Variants in IL1RAPL1 observed in about 807,000 individuals in gnomAD.
The protein encoded by IL1RAPL1 is interleukin 1 receptor accessory protein like 1, also known as interleukin-1 receptor accessory protein-like 1.
A neutral mutation model predicts 48.4 loss-of-function variants in IL1RAPL1; 3 were observed. That is an observed-to-expected ratio of 0.06 (90% CI 0.03 to 0.16). The LOEUF is 0.16. Ranked by LOEUF, IL1RAPL1 falls within the 10% of genes least tolerant of loss-of-function variation. The pLI is 1.00. For synonymous variants in IL1RAPL1, 185 were observed against 187.7 expected, an observed-to-expected ratio of 0.99 and a Z score of 0.12; for missense variants, 349 against 530.6, an observed-to-expected ratio of 0.66 and a Z score of 3.36.
At chrX:29,855,729 T>C (rs189250921) in intron 6 of IL1RAPL1, among the ~76,000 whole-genome samples, 10 of 110,649 alleles carry the variant, frequency 9.0e-5, no homozygotes, top group African/African-American at 2.6e-4. Flanking sequence ...GTTTTTTTTT[T>C]CAACATGTTT....
At chrX:29,249,317 G>A (rs1324063915) in intron 2 of IL1RAPL1, among the ~76,000 whole-genome samples, 1 of 111,954 alleles carries the variant, frequency 8.9e-6, no homozygotes, top group East Asian at 2.8e-4. Flanking sequence ...TACTTTGTCT[G>A]GGAATTTAAC....
chrX:29,662,347 T>C, intron 5 of IL1RAPL1, among the ~76,000 whole-genome samples: 2 of 111,843 alleles, frequency 1.8e-5, no homozygotes, highest in Middle Eastern at 4.6e-3. Flanking sequence ...AGAGCAAGCT[T>C]TCCTGACAGT....
At chrX:28,869,033 G>T (rs1272497047) in intron 2 of IL1RAPL1, among the ~76,000 whole-genome samples, 1 of 112,554 alleles carries the variant, frequency 8.9e-6, no homozygotes. Context: ...GCTTTGCAGT[G>T]CTATCACTAT....
chrX:29,403,774 G>T (rs1483768772), intron 5 of IL1RAPL1, among the ~76,000 whole-genome samples: 1 of 111,557 alleles, frequency 9.0e-6, no homozygotes, highest in African/African-American at 3.3e-5. Context: ...TTAGAAAACT[G>T]GTTCTCACCA....
chrX:29,009,125 T>G (rs761404705), intron 2 of IL1RAPL1, among the ~76,000 whole-genome samples: 27 of 112,325 alleles, frequency 2.4e-4, no homozygotes, highest in African/African-American at 8.0e-4. Flanking sequence ...ATGTTCTCAC[T>G]TGTAAGTGGT....
intron 2 of IL1RAPL1, among the ~76,000 whole-genome samples, chrX:29,190,364 A>G (rs776276453): frequency 1.7e-4 from 19 of 111,584 alleles, no homozygotes; most frequent in African/African-American, 5.8e-4. Flanking sequence ...TCATTGGTTG[A>G]CTCTCCAAAT....
At chrX:29,213,630 C>T (rs1930812714) in intron 2 of IL1RAPL1, among the ~76,000 whole-genome samples, 1 of 112,770 alleles carries the variant, frequency 8.9e-6, no homozygotes, top group African/African-American at 3.2e-5. Flanking sequence ...TTCACTTGAG[C>T]CACAGATGCT....
At chrX:29,436,110 T>G (rs113562831) in intron 5 of IL1RAPL1, among the ~76,000 whole-genome samples, 9,530 of 109,392 alleles carry the variant, frequency 0.087, 568 homozygotes, top group African/African-American at 0.22. Flanking sequence ...TTAAATATAT[T>G]TTCATGAAAC....
chrX:29,152,813 GT>G (rs1333746363), intron 2 of IL1RAPL1, among the ~76,000 whole-genome samples: 1 of 112,289 alleles, frequency 8.9e-6, no homozygotes, highest in Non-Finnish European at 1.9e-5. Context: ...AATTTGTTCA[GT>G]TACGATATTT....
Position 29,113,889 on chromosome X carries a change from A to C in IL1RAPL1, c.83-169049A>C, listed in dbSNP as rs565638877. On this transcript the variant is annotated intron_variant, in intron 2 of 10. Transcript: ENST00000378993. ...TTATTTGCTTGTCTAACTGAAAAGC[A>C]GTGATAGGCATCTTTGATTTGTTCC... Among the ~76,000 whole-genome samples the C allele has an allele frequency of 8.1e-5, 9 of 111,794 alleles. No homozygotes were observed. The Admixed American group carries it at 8.6e-4, about 11-fold the overall frequency.
chrX:29,169,013 T>A (rs948032710), intron 2 of IL1RAPL1, among the ~76,000 whole-genome samples: 1 of 105,899 alleles, frequency 9.4e-6, no homozygotes, highest in Non-Finnish European at 1.9e-5. Context: ...ATATATATGA[T>A]AAATGTGATA....
chrX:29,541,200 C>T (rs1235359935), intron 5 of IL1RAPL1, among the ~76,000 whole-genome samples: 1 of 111,434 alleles, frequency 9.0e-6, no homozygotes, highest in East Asian at 2.8e-4. Context: ...CGCTCTTAGT[C>T]AGAGAAATGC....
chrX:28,940,476 C>A (rs1924138213), intron 2 of IL1RAPL1, among the ~76,000 whole-genome samples: 2 of 110,694 alleles, frequency 1.8e-5, no homozygotes, highest in Non-Finnish European at 3.8e-5. Context: ...CGTTCCTTTG[C>A]TTATGAACAG....
intron 5 of IL1RAPL1, among the ~76,000 whole-genome samples, chrX:29,425,178 C>A (rs1934335636): frequency 8.9e-6 from 1 of 111,937 alleles, no homozygotes; most frequent in Non-Finnish European, 1.9e-5. Flanking sequence ...AGACATGCAT[C>A]CATTTTTCAC....
chrX:28,727,568 T>C (rs1935693246), intron 1 of IL1RAPL1, among the ~76,000 whole-genome samples: 1 of 105,698 alleles, frequency 9.5e-6, no homozygotes, highest in African/African-American at 3.5e-5. Flanking sequence ...CTTCCAACAC[T>C]ATGTTGAATA....
At chrX:29,615,571 C>T (rs1924262133) in intron 5 of IL1RAPL1, among the ~76,000 whole-genome samples, 1 of 110,795 alleles carries the variant, frequency 9.0e-6, no homozygotes, top group Admixed American at 9.7e-5. Context: ...TAAGTGAGGG[C>T]AAAGATACAT....
intron 1 of IL1RAPL1, among the ~76,000 whole-genome samples, chrX:28,652,500 C>T (rs752027025): frequency 3.6e-5 from 4 of 111,461 alleles, no homozygotes; most frequent in Non-Finnish European, 5.7e-5. Context: ...TGTATAATGC[C>T]GTTCTTTTCA....
chrX:28,596,943 C>T lies in IL1RAPL1; in HGVS notation c.-25+8896C>T, dbSNP rs1933962330. Among the ~76,000 whole-genome samples, 4 of 110,748 alleles carry T rather than the reference C, an allele frequency of 3.6e-5. No individual in the cohort carries two copies. In the Admixed American group the frequency reaches 3.9e-4, roughly 11 times the overall value. ...GCTCAAGAAACGTTCAGGACACATG[C>T]ACGTAGAGGGATTAGGTGAGGCTTG... On this transcript the variant is annotated intron_variant, in intron 1 of 10. Coordinates refer to ENST00000378993, the MANE Select transcript of IL1RAPL1 (RefSeq NM_014271.4).
chrX:29,626,891 T>C (rs1924630909), intron 5 of IL1RAPL1, among the ~76,000 whole-genome samples: 1 of 112,117 alleles, frequency 8.9e-6, no homozygotes, highest in South Asian at 3.7e-4. Context: ...TATTTCATAC[T>C]CTACACAGCC....
Sources: allele counts gnomAD v4.1 joint callset (sites outside exome capture counted in the v4.1 genomes callset), GRCh38; gene constraint gnomAD v4.1.1; transcripts MANE v1.5; gene names NCBI Gene and HGNC (gene_info 2026-07-23, HGNC 2026-07-21).